The following RPTOR variants were observed in gnomAD, a reference collection of about 807,000 sequenced individuals.
RPTOR encodes regulatory-associated protein of mTOR.
In RPTOR, 21 loss-of-function variants were observed where a neutral mutation model predicts 169.9. That is an observed-to-expected ratio of 0.12 (90% CI 0.09 to 0.18). The LOEUF is 0.18. Ranked by LOEUF, RPTOR falls within the 10% of genes least tolerant of loss-of-function variation. RPTOR has a pLI of 1.00. For synonymous variants in RPTOR, 732 were observed against 753.2 expected, an observed-to-expected ratio of 0.97 and a Z score of 0.46; for missense variants, 1,133 against 1,855.9, an observed-to-expected ratio of 0.61 and a Z score of 7.16.
intron 5 of RPTOR, among the ~76,000 whole-genome samples, chr17:80,734,799 A>C (rs140713850): frequency 6.6e-6 from 1 of 152,206 alleles, no homozygotes; most frequent in East Asian, 1.9e-4. Flanking sequence ...CTGTGGCTCC[A>C]AGACATTCGG....
intron 11 of RPTOR, among the ~76,000 whole-genome samples, chr17:80,851,827 T>A (rs1363304646): frequency 6.6e-6 from 1 of 152,228 alleles, no homozygotes; most frequent in Non-Finnish European, 1.5e-5. Flanking sequence ...TGATTAGACC[T>A]CTTCGCCCCG....
At chr17:80,837,494 C>T (rs903395909) in intron 9 of RPTOR, among the ~76,000 whole-genome samples, 5 of 152,228 alleles carry the variant, frequency 3.3e-5, no homozygotes, top group Admixed American at 6.5e-5. Context: ...GTGTCTCTCC[C>T]GCGTCCCTCC....
At chr17:80,938,144 A>C (rs2068977382) in intron 24 of RPTOR, among the ~76,000 whole-genome samples, 1 of 152,188 alleles carries the variant, frequency 6.6e-6, no homozygotes, top group Non-Finnish European at 1.5e-5. Flanking sequence ...GGGCCCCCTG[A>C]AACCCCTCAG....
rs2144098388 is a variant in RPTOR, at chr17:80,960,634, C to A, written c.3605+429C>A. Reference sequence around the variant, plus strand: ...ATGTCTGAGGGCACACACGTGGGCACAGCAGCCCTGGGCACTGCCTCCACT... The same window carrying A: ...ATGTCTGAGGGCACACACGTGGGCAAAGCAGCCCTGGGCACTGCCTCCACT... On this transcript the variant is annotated intron_variant, in intron 30 of 33. Coordinates refer to ENST00000306801, the MANE Select transcript of RPTOR (RefSeq NM_020761.3). The surrounding 1 kb of genome is among the most constrained non-coding windows in gnomAD (Gnocchi z 4.8). 4.4e-6 allele frequency: 1 copy of A among 228,430 alleles called. No homozygotes were observed. The highest frequency in any genetic ancestry group is 2.2e-5 in the African/African-American group (1 of 45,256). The allele number at this position is 228,430 out of a possible 1,614,324, so 14.2% of individuals were successfully genotyped here.
chr17:80,739,131 C>T (rs982651664), intron 5 of RPTOR, among the ~76,000 whole-genome samples: 8 of 152,240 alleles, frequency 5.3e-5, no homozygotes, highest in South Asian at 4.1e-4. Flanking sequence ...TGCTTGCTGT[C>T]GCGGGAACAC....
At chr17:80,859,170 C>T (rs1238214280) in intron 13 of RPTOR, among the ~76,000 whole-genome samples, 2 of 152,108 alleles carry the variant, frequency 1.3e-5, no homozygotes, top group African/African-American at 4.8e-5. Context: ...AGGGCTGGCC[C>T]GATGCCAAGA....
chr17:80,946,123 G>A (rs2069100644), intron 26 of RPTOR, among the ~76,000 whole-genome samples: 1 of 152,208 alleles, frequency 6.6e-6, no homozygotes, highest in South Asian at 2.1e-4. Flanking sequence ...AAGCAAGCAT[G>A]TGATAGACAA....
intron 13 of RPTOR, among the ~76,000 whole-genome samples, chr17:80,864,292 A>G (rs144010383): frequency 2.1e-5 from 3 of 145,074 alleles, no homozygotes; most frequent in African/African-American, 7.6e-5. Context: ...GTTTCTTCTT[A>G]CAGATTTCCT....
rs1445019302 is a variant in RPTOR, at chr17:80,574,140, GTTTTTTTTTTCTTTTTTCTTTT to G, written c.162+28360_162+28381del. ...AGTTCTGATTTAAGCTTTTAAGATG[GTTTTTTTTTTCTTTTTTCTTTT>G]TTTTTTTTTTTTTGAGACGGAGTCT... On this transcript the variant is annotated intron_variant, in intron 1 of 33. Transcript: ENST00000306801. Among the ~76,000 whole-genome samples the G allele has an allele frequency of 8.5e-3, 1,243 of 146,804 alleles. 18 individuals are homozygous for G. Among genetic ancestry groups the G allele is most frequent in the African/African-American group, 0.029 (1,149 of 40,092 alleles).
chr17:80,867,052 G>A (rs1307250206), intron 13 of RPTOR, among the ~76,000 whole-genome samples: 2 of 152,060 alleles, frequency 1.3e-5, no homozygotes, highest in African/African-American at 4.8e-5. Context: ...TTAGACACAC[G>A]TTACAAGAAA....
chr17:80,961,774 G>A, intron 31 of RPTOR: 1 of 385,550 alleles, frequency 2.6e-6, no homozygotes, highest in Non-Finnish European at 4.7e-6. Context: ...TCCACGGGCA[G>A]GGGTGGCAGG....
At chr17:80,709,110 G>A (rs1690334870) in intron 4 of RPTOR, 4 of 985,288 alleles carry the variant, frequency 4.1e-6, no homozygotes. Flanking sequence ...TCGGAAGTTA[G>A]AAAGGTATCC....
intron 10 of RPTOR, among the ~76,000 whole-genome samples, chr17:80,839,481 G>A (rs889337611): frequency 2.0e-5 from 3 of 152,214 alleles, no homozygotes; most frequent in African/African-American, 7.2e-5. Context: ...ACACCGTGAG[G>A]CGGAAGCCAG....
chr17:80,597,003 G>T (rs1223626519), intron 1 of RPTOR, among the ~76,000 whole-genome samples: 1 of 152,180 alleles, frequency 6.6e-6, no homozygotes, highest in Non-Finnish European at 1.5e-5. Context: ...GCTGACTTTT[G>T]TTTGGCAGTA....
intron 11 of RPTOR, among the ~76,000 whole-genome samples, chr17:80,848,112 G>A (rs983435741): frequency 2.0e-5 from 3 of 152,178 alleles, no homozygotes; most frequent in East Asian, 1.9e-4. Flanking sequence ...AGACAGTACC[G>A]CCGGCCTGTC....
chr17:80,719,138 C>T (rs2066263679), intron 4 of RPTOR, among the ~76,000 whole-genome samples: 1 of 152,106 alleles, frequency 6.6e-6, no homozygotes, highest in South Asian at 2.1e-4. Flanking sequence ...GGCAGACATG[C>T]TGCGGGCGGT....
In RPTOR at chr17:80,860,909, G is replaced by A. The variant is rs1362511596; in HGVS notation, c.1509+3009G>A. On this transcript the variant is annotated intron_variant, in intron 13 of 33. Coordinates refer to ENST00000306801, the MANE Select transcript of RPTOR (RefSeq NM_020761.3). This position sits in a 1 kb window ranked among gnomAD's most constrained non-coding sequence, Gnocchi z 5.8. ...CTGCTCCTGATTTCCTGAGCTGGAT[G>A]CGGGGAGCTGCTGCTCTTCCTCTCA... Among the ~76,000 whole-genome samples the A allele has an allele frequency of 9.4e-6, 1 of 105,906 alleles. No individual in the cohort carries two copies. Among genetic ancestry groups the A allele is most frequent in the African/African-American group, 2.7e-5 (1 of 37,054 alleles). The allele number at this position is 105,906 out of a possible 152,430, so 69.5% of individuals were successfully genotyped here. A position where few individuals can be genotyped will look rare whatever the true frequency, so the allele number is the denominator to read the frequency against.
At chr17:80,580,335 C>T (rs960255458) in intron 1 of RPTOR, among the ~76,000 whole-genome samples, 4 of 152,084 alleles carry the variant, frequency 2.6e-5, no homozygotes, top group Non-Finnish European at 4.4e-5. Context: ...GGAATTGGCA[C>T]GTTTTGCAAA....
chr17:80,786,529 C>T (rs891644837), intron 6 of RPTOR, among the ~76,000 whole-genome samples: 31 of 152,180 alleles, frequency 2.0e-4, no homozygotes, highest in African/African-American at 7.2e-4. Flanking sequence ...ATCAGGCAGC[C>T]CCAGAACCAG....
Sources: gnomAD v4.1 joint callset for allele counts (sites outside exome capture counted in the v4.1 genomes callset) on GRCh38, gnomAD v4.1.1 for gene constraint, Gnocchi (gnomAD v3.1) non-coding constraint, MANE v1.5 for transcripts, NCBI Gene and HGNC (gene_info 2026-07-23, HGNC 2026-07-21) for gene names.